DAGLB: variants seen among roughly 807,000 people sequenced by gnomAD.
The protein encoded by DAGLB is diacylglycerol lipase beta.
Under a neutral mutation model 72.1 loss-of-function variants are expected in DAGLB, and 66 were observed. That is an observed-to-expected ratio of 0.92 (90% CI 0.75 to 1.12). DAGLB has a LOEUF of 1.12. Ranked by LOEUF, DAGLB falls within the 50% of genes most tolerant of loss-of-function variation. The pLI, the probability that DAGLB is intolerant of heterozygous loss-of-function variation, is 0.00. For missense variants in DAGLB, 1,065 were observed against 884.9 expected (o/e 1.20, Z -2.58); for synonymous variants, 414 against 359.5 (o/e 1.15, Z -1.71).
intron 4 of DAGLB, among the ~76,000 whole-genome samples, chr7:6,433,871 CAAT>C (rs1432382007): frequency 6.8e-6 from 1 of 146,890 alleles, no homozygotes; most frequent in Non-Finnish European, 1.5e-5. Flanking sequence ...AAAAAAAAGA[CAAT>C]ATACTGGCCA....
intron 9 of DAGLB, among the ~76,000 whole-genome samples, chr7:6,418,512 T>C (rs1169756098): frequency 6.6e-6 from 1 of 152,170 alleles, no homozygotes; most frequent in African/African-American, 2.4e-5. Context: ...ATCTTCAAAA[T>C]GCTTCCTCAG....
Position 6,416,639 on chromosome 7 carries a change from C to A in DAGLB, c.1415G>T (p.Arg472Leu), listed in dbSNP as rs1562479268. Residue 472 changes from arginine (R) to leucine (L), a missense_variant, in exon 11 of 15, where the codon CGG becomes CTG. Arg to Leu is a moderately radical substitution (Grantham distance 102). Coordinates refer to ENST00000297056, the MANE Select transcript of DAGLB (RefSeq NM_139179.4). ...QVRCYAFSPP[R>L]GLWSKALQEY... ...AACAAAGGCTCACCTCCACAGCCCC[C>A]GGGGTGGGGAGAAGGCGTAGCACCT... is the stretch of plus-strand genomic sequence containing the variant. 1.2e-6 allele frequency: 2 copies of A among 1,609,480 alleles called. No homozygotes were observed. Among genetic ancestry groups the A allele is most frequent in the Admixed American group, 1.7e-5 (1 of 59,234 alleles).
At position 6,410,246 on chromosome 7, in the gene DAGLB, G is replaced by A; in HGVS notation, c.1704C>T (p.Arg568=). 1.2e-6 allele frequency: 2 copies of A among 1,613,156 alleles called. No homozygotes were observed. Among genetic ancestry groups the A allele is most frequent in the Non-Finnish European group, 1.7e-6 (2 of 1,179,600 alleles). ...PLLGEQSLLT[R]WSPAYSFSSD... ...TGGAGAAGCTGTAGGCCGGGGACCA[G>A]CGCGTCAGTAGGCTCTGCTCCCCCA... Residue 568 remains arginine (R), a synonymous_variant, in exon 14 of 15, where the codon CGC becomes CGT. Transcript: ENST00000297056.
At chr7:6,434,330 C>T (rs1784584776) in intron 4 of DAGLB, among the ~76,000 whole-genome samples, 1 of 152,082 alleles carries the variant, frequency 6.6e-6, no homozygotes, top group Admixed American at 6.6e-5. Flanking sequence ...AAACTGTCTT[C>T]CAAAAGTAGC....
intron 2 of DAGLB, chr7:6,445,635 A>G (rs1784975835): frequency 5.7e-6 from 1 of 175,136 alleles, no homozygotes; most frequent in Non-Finnish European, 1.2e-5. Flanking sequence ...CTCTATTTTT[A>G]GTAGAGACGT....
chr7:6,425,665 G>A (rs1784287328), intron 7 of DAGLB, among the ~76,000 whole-genome samples: 1 of 152,138 alleles, frequency 6.6e-6, no homozygotes, highest in South Asian at 2.1e-4. Flanking sequence ...CACAACCCAG[G>A]ACGACGATAC....
At chr7:6,438,960 C>G (rs1052238622) in intron 2 of DAGLB, among the ~76,000 whole-genome samples, 1 of 152,090 alleles carries the variant, frequency 6.6e-6, no homozygotes, top group African/African-American at 2.4e-5. Flanking sequence ...GTGGCTCACG[C>G]CTGTAATCCT....
chr7:6,437,804 G>T (rs1338562955), intron 2 of DAGLB, among the ~76,000 whole-genome samples: 2 of 151,978 alleles, frequency 1.3e-5, no homozygotes, highest in Non-Finnish European at 2.9e-5. Context: ...ATTACACCTG[G>T]CTAATTTTTG....
chr7:6,413,076 C>T, intron 11 of DAGLB, 42 bp from the exon 12 acceptor site: 10 of 1,597,276 alleles, frequency 6.3e-6, no homozygotes, highest in Non-Finnish European at 8.6e-6. Context: ...TTTACGATGA[C>T]ACTGCCCACA....
At chr7:6,440,391 A>G (rs999091810) in intron 2 of DAGLB, among the ~76,000 whole-genome samples, 1 of 152,108 alleles carries the variant, frequency 6.6e-6, no homozygotes, top group African/African-American at 2.4e-5. Flanking sequence ...GTCTCCAAAA[A>G]AAAAAAAAAA....
At chr7:6,410,511 CAAAGATGCACCGGCGAG>C in intron 13 of DAGLB, 131 bp from the exon 14 acceptor site, 1 of 1,356,338 alleles carries the variant, frequency 7.4e-7, no homozygotes, top group Non-Finnish European at 9.9e-7. Flanking sequence ...AAGACTCCAG[CAAAGATGCACCGGCGAG>C]CTGTGCTGGG....
chr7:6,430,722 A>G, intron 5 of DAGLB, 115 bp from the exon 6 acceptor site: 1 of 1,210,040 alleles, frequency 8.3e-7, no homozygotes, highest in Non-Finnish European at 1.1e-6. Context: ...CCTTCGTTGA[A>G]TAGAACTCTC....
chr7:6,415,802 G>A (rs983183478), intron 11 of DAGLB, among the ~76,000 whole-genome samples: 4 of 149,750 alleles, frequency 2.7e-5, no homozygotes, highest in Non-Finnish European at 4.4e-5. Flanking sequence ...CCGAGATCAC[G>A]CCACTGCACT....
rs1387288819 is a variant in DAGLB, at chr7:6,430,734, G to C, written c.802-127C>G. On this transcript the variant is annotated intron_variant, in intron 5 of 14. Coordinates refer to ENST00000297056, the MANE Select transcript of DAGLB (RefSeq NM_139179.4). ...GCTCCTTCGTTGAATAGAACTCTCAGACGCCCACAGGCAAAACTGCTCCTT... is the reference window on the plus strand; with the variant it reads ...GCTCCTTCGTTGAATAGAACTCTCACACGCCCACAGGCAAAACTGCTCCTT... 3 of 1,114,478 alleles carry C rather than the reference G, an allele frequency of 2.7e-6. No individual in the cohort carries two copies. The African/African-American group carries it at 4.8e-5, about 18-fold the overall frequency. 69.0% of individuals were successfully genotyped at this position (1,114,478 alleles called of 1,614,324 possible).
intron 6 of DAGLB, among the ~76,000 whole-genome samples, chr7:6,427,574 C>T (rs1040294261): frequency 6.6e-6 from 1 of 152,088 alleles, no homozygotes; most frequent in Non-Finnish European, 1.5e-5. Context: ...GAGAGAACCC[C>T]GTCTCTTAAA....
At chr7:6,425,634 CACT>C (rs1295435661) in intron 7 of DAGLB, among the ~76,000 whole-genome samples, 1 of 152,122 alleles carries the variant, frequency 6.6e-6, no homozygotes, top group Non-Finnish European at 1.5e-5. Context: ...AGACCTGCTA[CACT>C]ACACTACTGA....
Position 6,436,361 on chromosome 7 carries a change from C to A in DAGLB, c.419+1G>T. 1 of 1,603,796 alleles carries A rather than the reference C, an allele frequency of 6.2e-7. No individual in the cohort carries two copies. Among genetic ancestry groups the A allele is most frequent in the East Asian group, 2.2e-5 (1 of 44,780 alleles). ...CTCAAAGAGAAGAAGGGAGATGTCA[C>A]CTGACCACGACGGTTGCGATGATGC... On this transcript the variant is annotated splice_donor_variant, in intron 3 of 14. Transcript: ENST00000297056. LOFTEE classifies it high-confidence loss of function.
Position 6,434,972 on chromosome 7 carries a change from G to T in DAGLB, c.468C>A (p.Asp156Glu), listed in dbSNP as rs771910048. The T allele has an allele frequency of 1.2e-6, 2 of 1,614,082 alleles. No homozygotes were observed. The highest frequency in any genetic ancestry group is 1.1e-5 in the South Asian group (1 of 91,084). ...ATVVSIIIVF[D>E]PLGGKMAPYS... ...ATGGAGCCATTTTCCCCCCAAGAGG[G>T]TCAAAGACAATGATAATGGAAACCA... Residue 156 changes from aspartate (D) to glutamate (E), a missense_variant, in exon 4 of 15, where the codon GAC (aspartate) becomes GAA (glutamate). Asp to Glu is a conservative substitution (Grantham distance 45). Coordinates refer to ENST00000297056, the MANE Select transcript of DAGLB (RefSeq NM_139179.4).
intron 6 of DAGLB, among the ~76,000 whole-genome samples, chr7:6,428,335 A>G (rs1324011844): frequency 1.4e-5 from 2 of 139,238 alleles, no homozygotes; most frequent in East Asian, 4.4e-4. Context: ...AAAAAAAAAA[A>G]GAAAGAAAGA....
Sources: gnomAD v4.1 joint callset for allele counts (sites outside exome capture counted in the v4.1 genomes callset) on GRCh38, gnomAD v4.1.1 for gene constraint, MANE v1.5 for transcripts, NCBI Gene and HGNC (gene_info 2026-07-23, HGNC 2026-07-21) for gene names.